The following GPR158 variants were observed in gnomAD, a reference collection of about 807,000 sequenced individuals.
The protein encoded by GPR158 is metabotropic glycine receptor.
In GPR158, 30 loss-of-function variants were observed where a neutral mutation model predicts 78.2. The ratio of observed to expected loss-of-function variants is 0.38; its 90% confidence interval spans 0.29 to 0.52. The LOEUF (loss-of-function observed/expected upper bound fraction) is 0.52, where lower values mean the gene tolerates loss of function less well. GPR158 is among the 20% of genes least tolerant of loss of function. The pLI, the probability that GPR158 is intolerant of heterozygous loss-of-function variation, is 0.83. For missense variants in GPR158, 1,463 were observed against 1,523.5 expected, an observed-to-expected ratio of 0.96 and a Z score of 0.66; for synonymous variants, 581 against 591.1, an observed-to-expected ratio of 0.98 and a Z score of 0.25.
Position 25,443,594 on chromosome 10 carries a change from G to T in GPR158, c.1336-23057G>T, listed in dbSNP as rs113756148. Among the ~76,000 whole-genome samples, 981 of 148,298 alleles carry T rather than the reference G, an allele frequency of 6.6e-3. 14 individuals are homozygous for T. Among genetic ancestry groups the T allele is most frequent in the African/African-American group, 0.022 (884 of 40,122 alleles). ...AAAAATTTTTTTTTTTTTTGTAGAG[G>T]TGTCATCTCCCTATATTACTAAGGT... On this transcript the variant is annotated intron_variant, in intron 4 of 10. Transcript: ENST00000376351.
At chr10:25,543,936 C>G (rs1344216152) in intron 5 of GPR158, among the ~76,000 whole-genome samples, 4 of 152,158 alleles carry the variant, frequency 2.6e-5, no homozygotes, top group Non-Finnish European at 1.5e-5. Flanking sequence ...ACACTGAAGC[C>G]TTGCTCTCAA....
chr10:25,445,435 C>T (rs1835127687), intron 4 of GPR158, among the ~76,000 whole-genome samples: 1 of 152,116 alleles, frequency 6.6e-6, no homozygotes, highest in Admixed American at 6.5e-5. Flanking sequence ...ATATGAACAG[C>T]TTTAAATGTT....
At chr10:25,542,562 C>T (rs1345084389) in intron 5 of GPR158, among the ~76,000 whole-genome samples, 6 of 152,056 alleles carry the variant, frequency 3.9e-5, no homozygotes, top group Non-Finnish European at 8.8e-5. Flanking sequence ...GTGGCTCATG[C>T]CTGTAATCCC....
At chr10:25,354,173 G>A (rs1340336034) in intron 2 of GPR158, among the ~76,000 whole-genome samples, 1 of 151,852 alleles carries the variant, frequency 6.6e-6, no homozygotes, top group Non-Finnish European at 1.5e-5. Context: ...GACCAACATG[G>A]TGAAACACAC....
chr10:25,276,962 T>TA (rs1277417092), intron 2 of GPR158, among the ~76,000 whole-genome samples: 16 of 151,710 alleles, frequency 1.1e-4, no homozygotes, highest in Non-Finnish European at 2.2e-4. Context: ...TTTTTTTTTT[T>TA]TATAATAGAC....
At chr10:25,444,505 A>T (rs746464458) in intron 4 of GPR158, among the ~76,000 whole-genome samples, 1 of 149,848 alleles carries the variant, frequency 6.7e-6, no homozygotes, top group Non-Finnish European at 1.5e-5. Flanking sequence ...ATGTGGGCGC[A>T]TGTATGCGTG....
intron 2 of GPR158, among the ~76,000 whole-genome samples, chr10:25,222,156 A>G (rs116924203): frequency 1.3e-3 from 199 of 152,158 alleles, no homozygotes; most frequent in Non-Finnish European, 2.4e-3. Context: ...AGTGTTTACC[A>G]TGTATACACC....
chr10:25,429,348 T>TGGCC (rs1834865539), intron 4 of GPR158, among the ~76,000 whole-genome samples: 3 of 152,084 alleles, frequency 2.0e-5, no homozygotes, highest in Non-Finnish European at 4.4e-5. Flanking sequence ...ATCTGAAAAA[T>TGGCC]ATATGGCCTC....
chr10:25,340,080 C>T (rs1034523255), intron 2 of GPR158, among the ~76,000 whole-genome samples: 2 of 152,036 alleles, frequency 1.3e-5, no homozygotes, highest in African/African-American at 4.8e-5. Flanking sequence ...TGATTAAGCT[C>T]TAGGCCAGCC....
At chr10:25,457,644 GCTT>G (rs751931098) in intron 4 of GPR158, among the ~76,000 whole-genome samples, 5 of 152,160 alleles carry the variant, frequency 3.3e-5, no homozygotes, top group Non-Finnish European at 7.4e-5. Context: ...TATTTGAAAG[GCTT>G]CTTAGCCAGA....
chr10:25,378,441 A>G (rs1760770), intron 2 of GPR158, among the ~76,000 whole-genome samples: 97,829 of 151,528 alleles, frequency 0.65, 32,541 homozygotes, highest in Non-Finnish European at 0.73. Flanking sequence ...AACCTGACAG[A>G]CTGCTTGCCT....
At chr10:25,566,879 A>T (rs1240259104) in intron 6 of GPR158, among the ~76,000 whole-genome samples, 2 of 152,138 alleles carry the variant, frequency 1.3e-5, no homozygotes, top group Non-Finnish European at 2.9e-5. Context: ...GTCACCATTA[A>T]TAGCAGAATG....
At chr10:25,569,343 C>T (rs1836972741) in intron 6 of GPR158, among the ~76,000 whole-genome samples, 1 of 152,130 alleles carries the variant, frequency 6.6e-6, no homozygotes, top group South Asian at 2.1e-4. Flanking sequence ...AAAGAAAAAA[C>T]TTAACTGGTT....
intron 4 of GPR158, among the ~76,000 whole-genome samples, chr10:25,440,547 G>C (rs1835054383): frequency 6.6e-6 from 1 of 152,182 alleles, no homozygotes; most frequent in Non-Finnish European, 1.5e-5. Context: ...GTTAACATGA[G>C]AAAGTTTAAG....
intron 7 of GPR158, among the ~76,000 whole-genome samples, chr10:25,577,746 C>T (rs1386199083): frequency 1.3e-5 from 2 of 152,140 alleles, no homozygotes; most frequent in African/African-American, 4.8e-5. Flanking sequence ...GCCACAGTTT[C>T]TTCTTTGAAG....
At position 25,327,511 on chromosome 10, in the gene GPR158, C is replaced by A. The variant is rs1199872929; in HGVS notation, c.1009-68400C>A. 2.6e-5 allele frequency among the ~76,000 whole-genome samples: 4 copies of A among 152,222 alleles called. No individual in the cohort carries two copies. The South Asian group carries it at 6.2e-4, about 24-fold the overall frequency. On this transcript the variant is annotated intron_variant, in intron 2 of 10. Coordinates refer to ENST00000376351, the MANE Select transcript of GPR158 (RefSeq NM_020752.3). Reference sequence around the variant, plus strand: ...TGGTGCACACTGGGCTGGCTGTGTTCTCTCCCATTTTGGAATGACTTCACT... The same window carrying A: ...TGGTGCACACTGGGCTGGCTGTGTTATCTCCCATTTTGGAATGACTTCACT...
At chr10:25,435,528 C>T (rs1834987359) in intron 4 of GPR158, among the ~76,000 whole-genome samples, 1 of 152,114 alleles carries the variant, frequency 6.6e-6, no homozygotes, top group Non-Finnish European at 1.5e-5. Flanking sequence ...GTCCTAGAAA[C>T]TGAAGGATGC....
intron 5 of GPR158, among the ~76,000 whole-genome samples, chr10:25,469,964 GT>G (rs1835475706): frequency 6.6e-6 from 1 of 151,818 alleles, no homozygotes; most frequent in South Asian, 2.1e-4. Context: ...ATGTCAGCCA[GT>G]TTTAACATGA....
chr10:25,521,981 C>A (rs2130683719), intron 5 of GPR158, among the ~76,000 whole-genome samples: 1 of 152,282 alleles, frequency 6.6e-6, no homozygotes, highest in Non-Finnish European at 1.5e-5. Context: ...CTTGCTTGAT[C>A]TTCTCTTTTG....
Sources: gnomAD v4.1 joint callset for allele counts (sites outside exome capture counted in the v4.1 genomes callset) on GRCh38, gnomAD v4.1.1 for gene constraint, MANE v1.5 for transcripts, NCBI Gene and HGNC (gene_info 2026-07-23, HGNC 2026-07-21) for gene names.